CTNND2: variants seen among roughly 807,000 people sequenced by gnomAD.
CTNND2 encodes catenin delta-2.
CTNND2 carries 22 observed loss-of-function variants against 144.4 expected under a neutral mutation model. That is an observed-to-expected ratio of 0.15 (90% confidence interval 0.11 to 0.22). The LOEUF (loss-of-function observed/expected upper bound fraction) is 0.22. CTNND2 is among the 10% of genes least tolerant of loss of function. The probability of loss-of-function intolerance (pLI) is 1.00; values close to 1 mark genes in which losing one functional copy is unlikely to be tolerated. For synonymous variants in CTNND2, 751 were observed against 695.6 expected, an observed-to-expected ratio of 1.08 and a Z score of -1.25; for missense variants, 1,353 against 1,618.8, an observed-to-expected ratio of 0.84 and a Z score of 2.82.
At chr5:11,559,679 G>A (rs1048059133) in intron 3 of CTNND2, among the ~76,000 whole-genome samples, 3 of 152,136 alleles carry the variant, frequency 2.0e-5, no homozygotes, top group African/African-American at 7.2e-5. Flanking sequence ...GTGCACAAGG[G>A]CATGGTGCAT....
intron 7 of CTNND2, among the ~76,000 whole-genome samples, chr5:11,372,565 G>C (rs2149783463): frequency 6.6e-6 from 1 of 152,228 alleles, no homozygotes; most frequent in East Asian, 1.9e-4. Context: ...GGCTAAGGTG[G>C]TACTGGTAAT....
chr5:11,768,304 T>A (rs1299033315), intron 1 of CTNND2, among the ~76,000 whole-genome samples: 1 of 151,810 alleles, frequency 6.6e-6, no homozygotes, highest in Admixed American at 6.6e-5. Context: ...TTTTGTTTTG[T>A]TTTGTGACAG....
chr5:11,224,937 T>G (rs1036078104), intron 10 of CTNND2, among the ~76,000 whole-genome samples: 10 of 152,326 alleles, frequency 6.6e-5, no homozygotes, highest in African/African-American at 2.4e-4. Flanking sequence ...GAGGCTACTG[T>G]AGGTTACTGG....
At chr5:11,088,744 A>G in intron 15 of CTNND2, among the ~76,000 whole-genome samples, 1 of 146,518 alleles carries the variant, frequency 6.8e-6, no homozygotes, top group Non-Finnish European at 1.5e-5. Context: ...TTAGGTAGTA[A>G]GTTAACTACA....
intron 2 of CTNND2, among the ~76,000 whole-genome samples, chr5:11,678,407 G>C (rs549172584): frequency 6.6e-6 from 1 of 152,088 alleles, no homozygotes; most frequent in Non-Finnish European, 1.5e-5. Context: ...GCTGAGTCAA[G>C]AGTTAAAATA....
chr5:11,075,344 C>T (rs1415736777), intron 16 of CTNND2, among the ~76,000 whole-genome samples: 1 of 152,114 alleles, frequency 6.6e-6, no homozygotes, highest in Non-Finnish European at 1.5e-5. Context: ...GAAAGCCCAG[C>T]GTGAAAAGTG....
At chr5:11,040,438 T>C (rs549975126) in intron 16 of CTNND2, among the ~76,000 whole-genome samples, 16 of 152,198 alleles carry the variant, frequency 1.1e-4, no homozygotes, top group African/African-American at 3.6e-4. Context: ...CTTTCAAGAG[T>C]TGTTATACTC....
chr5:11,221,059 G>C (rs17792315), intron 10 of CTNND2, among the ~76,000 whole-genome samples: 9,167 of 152,274 alleles, frequency 0.06, 388 homozygotes, highest in Admixed American at 0.11. Flanking sequence ...TCTTAGCAAA[G>C]CAGATTTTTT....
chr5:11,200,840 G>A (rs544844610), intron 10 of CTNND2, among the ~76,000 whole-genome samples: 4 of 152,162 alleles, frequency 2.6e-5, no homozygotes, highest in South Asian at 4.2e-4. Context: ...CACCACGCCC[G>A]GCTATTTTTT....
chr5:11,662,218 T>TATATGTGTATATATGTATATATATAC (rs1783288753), intron 2 of CTNND2, among the ~76,000 whole-genome samples: 1 of 136,156 alleles, frequency 7.3e-6, no homozygotes, highest in Non-Finnish European at 1.5e-5. Flanking sequence ...TATATATACA[T>TATATGTGTATATATGTATATATATAC]ATATGTGTAT....
chr5:11,010,330 G>A (rs1043259531), intron 18 of CTNND2, among the ~76,000 whole-genome samples: 2 of 152,236 alleles, frequency 1.3e-5, no homozygotes. Context: ...TCTCAAAATG[G>A]CAACATATTG....
intron 1 of CTNND2, among the ~76,000 whole-genome samples, chr5:11,780,612 A>AC (rs1279061647): frequency 2.0e-5 from 3 of 151,918 alleles, no homozygotes; most frequent in African/African-American, 4.8e-5. Context: ...GAATCCAGGG[A>AC]CCCCCATTCC....
chr5:11,460,266 G>GA (rs1239112804), intron 3 of CTNND2, among the ~76,000 whole-genome samples: 2 of 152,104 alleles, frequency 1.3e-5, no homozygotes, highest in Non-Finnish European at 2.9e-5. Flanking sequence ...ACTATCTCAG[G>GA]AAAAATTTAT....
intron 6 of CTNND2, among the ~76,000 whole-genome samples, chr5:11,391,952 T>A (rs1435831154): frequency 1.3e-5 from 2 of 152,100 alleles, no homozygotes; most frequent in Non-Finnish European, 2.9e-5. Context: ...GATGGGAACA[T>A]CCAAATCAAA....
chr5:11,526,234 T>C (rs1390268981), intron 3 of CTNND2, among the ~76,000 whole-genome samples: 1 of 152,190 alleles, frequency 6.6e-6, no homozygotes, highest in Non-Finnish European at 1.5e-5. Flanking sequence ...CTTTCCTAAA[T>C]GTATGGATAA....
At chr5:11,289,707 G>T (rs780426178) in intron 9 of CTNND2, among the ~76,000 whole-genome samples, 3 of 152,210 alleles carry the variant, frequency 2.0e-5, no homozygotes, top group Non-Finnish European at 4.4e-5. Context: ...ACCTCTAAAA[G>T]AGAGGCTCAG....
At chr5:11,166,051 C>T (rs377309852) in intron 11 of CTNND2, among the ~76,000 whole-genome samples, 1 of 151,910 alleles carries the variant, frequency 6.6e-6, no homozygotes. Flanking sequence ...AAACCAAGCC[C>T]AAAGGAAAGC....
chr5:11,138,815 T>C (rs890091321), intron 12 of CTNND2, among the ~76,000 whole-genome samples: 1 of 152,196 alleles, frequency 6.6e-6, no homozygotes, highest in African/African-American at 2.4e-5. Context: ...GCTCCATACA[T>C]ATCTCCAGTG....
At chr5:11,484,699 A>G (rs1195898028) in intron 3 of CTNND2, among the ~76,000 whole-genome samples, 2 of 152,216 alleles carry the variant, frequency 1.3e-5, no homozygotes, top group Admixed American at 1.3e-4. Flanking sequence ...AGAATGGCAG[A>G]AAGTTTCCAT....
Sources: allele counts gnomAD v4.1 joint callset (sites outside exome capture counted in the v4.1 genomes callset), GRCh38; gene constraint gnomAD v4.1.1; transcripts MANE v1.5; gene names NCBI Gene and HGNC (gene_info 2026-07-23, HGNC 2026-07-21).